The following ASAP2 variants were observed in gnomAD, a reference collection of about 807,000 sequenced individuals.
ASAP2 encodes arf-GAP with SH3 domain, ANK repeat and PH domain-containing protein 2.
In ASAP2, 45 loss-of-function variants were observed where a neutral mutation model predicts 131.4. The ratio of observed to expected loss-of-function variants is 0.34; its 90% CI spans 0.27 to 0.44. ASAP2 has a LOEUF of 0.44. Ranked by LOEUF, ASAP2 falls within the 20% of genes least tolerant of loss-of-function variation. ASAP2 has a pLI of 1.00. For synonymous variants in ASAP2, 510 were observed against 503.0 expected, an observed-to-expected ratio of 1.01 and a Z score of -0.19; for missense variants, 1,011 against 1,297.0, an observed-to-expected ratio of 0.78 and a Z score of 3.39.
At chr2:9,242,569 T>C (rs1664048584) in intron 1 of ASAP2, among the ~76,000 whole-genome samples, 1 of 152,208 alleles carries the variant, frequency 6.6e-6, no homozygotes, top group Non-Finnish European at 1.5e-5. Flanking sequence ...GTGTGTGGGC[T>C]CTGTTCCCTG....
intron 1 of ASAP2, among the ~76,000 whole-genome samples, chr2:9,227,898 A>T (rs1662891144): frequency 6.6e-6 from 1 of 152,254 alleles, no homozygotes; most frequent in African/African-American, 2.4e-5. Context: ...GTGAGGACAG[A>T]TAACTTAGAA....
intron 3 of ASAP2, among the ~76,000 whole-genome samples, chr2:9,302,686 GCTGGT>G (rs1226337283): frequency 1.3e-5 from 2 of 152,112 alleles, no homozygotes; most frequent in Non-Finnish European, 1.5e-5. Flanking sequence ...TGTTGGCCAG[GCTGGT>G]CTCGAACTCC....
intron 3 of ASAP2, among the ~76,000 whole-genome samples, chr2:9,302,169 CTTTTTTTT>C (rs57906310): frequency 1.2e-5 from 1 of 82,920 alleles, no homozygotes; most frequent in Admixed American, 1.4e-4. Context: ...AGTTAGAAGC[CTTTTTTTT>C]TTTTTTTTTT....
At position 9,405,256 on chromosome 2, in the gene ASAP2, G is replaced by GTTA. The variant is rs1677120142; in HGVS notation, c.*1932_*1934dup. ...ACGACCCTGCTAATATCCTTTCTTA[G>GTTA]TTATTTGCTCCTTGCAAATTAAAAA... On this transcript the variant is annotated 3_prime_UTR_variant, in exon 28 of 28. Coordinates refer to ENST00000281419, the MANE Select transcript of ASAP2 (RefSeq NM_003887.3). The GTTA allele has an allele frequency of 6.6e-6, 1 of 152,174 alleles. No individual in the cohort carries two copies. Among genetic ancestry groups the GTTA allele is most frequent in the African/African-American group, 2.4e-5 (1 of 41,428 alleles). 9.4% of individuals were successfully genotyped at this position (152,174 alleles called of 1,614,324 possible). A position where few individuals can be genotyped will look rare whatever the true frequency, so the allele number is the denominator to read the frequency against.
At chr2:9,245,598 A>G (rs1022423174) in intron 1 of ASAP2, among the ~76,000 whole-genome samples, 30 of 152,158 alleles carry the variant, frequency 2.0e-4, no homozygotes, top group Admixed American at 1.7e-3. Flanking sequence ...CTAAAAGAGC[A>G]CCACTCTTTC....
chr2:9,272,690 T>C (rs2148270950), intron 1 of ASAP2, among the ~76,000 whole-genome samples: 1 of 152,338 alleles, frequency 6.6e-6, no homozygotes, highest in Non-Finnish European at 1.5e-5. Context: ...TTTGAGGTCA[T>C]AGATTTAAGT....
chr2:9,294,745 A>G (rs958650171), intron 2 of ASAP2, among the ~76,000 whole-genome samples: 1 of 152,206 alleles, frequency 6.6e-6, no homozygotes. Flanking sequence ...ACGAGGCTGC[A>G]TAGAGTCTTC....
Position 9,403,315 on chromosome 2 carries a change from T to C in ASAP2, c.3009T>C (p.Phe1003=), listed in dbSNP as rs189288087. 5.6e-6 allele frequency: 9 copies of C among 1,614,080 alleles called. No homozygotes were observed. Among genetic ancestry groups the C allele is most frequent in the African/African-American group, 5.3e-5 (4 of 75,062 alleles). ...CATTCCCGGTGTCATTTGTGCACTT[T>C]ATCGCTGACTGAATTGCTACTGAAC... ...KGAFPVSFVH[F]IAD is the part of the protein sequence containing the mutation. Residue 1003 remains phenylalanine, a synonymous_variant, in exon 28 of 28, where the codon TTT becomes TTC. Transcript: ENST00000281419.
intron 6 of ASAP2, among the ~76,000 whole-genome samples, chr2:9,325,608 G>T (rs970030266): frequency 3.9e-5 from 6 of 152,232 alleles, no homozygotes; most frequent in Non-Finnish European, 8.8e-5. Context: ...GCCATGACTT[G>T]AGGAGTAATT....
At chr2:9,244,624 A>G (rs1267216699) in intron 1 of ASAP2, among the ~76,000 whole-genome samples, 2 of 152,190 alleles carry the variant, frequency 1.3e-5, no homozygotes, top group African/African-American at 4.8e-5. Context: ...CCTGTGCCTC[A>G]GTGGCCTGGC....
intron 16 of ASAP2, among the ~76,000 whole-genome samples, chr2:9,369,854 AT>A (rs368300185): frequency 1.5e-4 from 22 of 151,482 alleles, no homozygotes; most frequent in Middle Eastern, 3.4e-3. Flanking sequence ...GAGAATTTAG[AT>A]TTTTTTTTCC....
intron 2 of ASAP2, 82 bp downstream of exon 2, chr2:9,279,471 T>C (rs750303805): frequency 1.7e-4 from 230 of 1,329,362 alleles, no homozygotes; most frequent in Non-Finnish European, 2.3e-4. Context: ...TGATGACCAT[T>C]AACAAATGAG....
intron 16 of ASAP2, 36 bp from the exon 17 acceptor site, chr2:9,374,719 C>T (rs765894412): frequency 3.9e-6 from 6 of 1,555,674 alleles, no homozygotes; most frequent in Non-Finnish European, 5.2e-6. Flanking sequence ...GGTAGAAGCC[C>T]TTCATGATTT....
chr2:9,242,564 T>C (rs1182872105), intron 1 of ASAP2, among the ~76,000 whole-genome samples: 1 of 152,184 alleles, frequency 6.6e-6, no homozygotes, highest in Non-Finnish European at 1.5e-5. Context: ...GGGCGGTGTG[T>C]GGGCTCTGTT....
chr2:9,257,680 G>A (rs958231198), intron 1 of ASAP2, among the ~76,000 whole-genome samples: 5 of 152,122 alleles, frequency 3.3e-5, no homozygotes, highest in East Asian at 1.9e-4. Flanking sequence ...CACCATGCCC[G>A]GCTAATTTTT....
intron 1 of ASAP2, among the ~76,000 whole-genome samples, chr2:9,260,585 A>T: frequency 6.6e-6 from 1 of 152,006 alleles, no homozygotes; most frequent in East Asian, 1.9e-4. Flanking sequence ...TTTTTAGAAA[A>T]CAATCTCTGC....
chr2:9,361,592 G>A (rs1673083424), intron 15 of ASAP2, among the ~76,000 whole-genome samples: 1 of 149,070 alleles, frequency 6.7e-6, no homozygotes, highest in Non-Finnish European at 1.5e-5. Context: ...TTTTTTGACA[G>A]GGTCTCACTC....
intron 1 of ASAP2, among the ~76,000 whole-genome samples, chr2:9,269,871 C>A (rs1384146271): frequency 6.6e-5 from 10 of 152,204 alleles, no homozygotes; most frequent in Admixed American, 6.5e-4. Context: ...ACTTCCCTTA[C>A]CCACAGTGTG....
At chr2:9,247,722 G>A (rs1283668162) in intron 1 of ASAP2, among the ~76,000 whole-genome samples, 1 of 152,204 alleles carries the variant, frequency 6.6e-6, no homozygotes, top group African/African-American at 2.4e-5. Context: ...ACGCGGAGTA[G>A]GTGTTCAGTG....
Sources: gnomAD v4.1 joint callset for allele counts (sites outside exome capture counted in the v4.1 genomes callset) on GRCh38, gnomAD v4.1.1 for gene constraint, MANE v1.5 for transcripts, NCBI Gene and HGNC (gene_info 2026-07-23, HGNC 2026-07-21) for gene names.